The following TACC1 variants were observed in gnomAD, a reference collection of about 807,000 sequenced individuals.
TACC1 encodes transforming acidic coiled-coil containing protein 1.
In TACC1, 48 loss-of-function variants were observed where a neutral mutation model predicts 84.4. The observed-to-expected ratio is 0.57, with a 90% CI of 0.45 to 0.72. The LOEUF is 0.72. Ranked by LOEUF, TACC1 falls within the 30% of genes least tolerant of loss-of-function variation. The pLI, the probability that TACC1 is intolerant of heterozygous loss-of-function variation, is 0.00. For synonymous variants in TACC1, 372 were observed against 376.3 expected, an observed-to-expected ratio of 0.99 and a Z score of 0.13; for missense variants, 920 against 973.0, an observed-to-expected ratio of 0.95 and a Z score of 0.72.
chr8:38,765,465 T>G (rs1812061964), intron 3 of TACC1, among the ~76,000 whole-genome samples: 1 of 152,192 alleles, frequency 6.6e-6, no homozygotes, highest in East Asian at 1.9e-4. Context: ...AGTTGTTTTT[T>G]TCTGATTCTA....
chr8:38,737,648 G>T (rs769533183), intron 1 of TACC1, among the ~76,000 whole-genome samples: 80 of 151,924 alleles, frequency 5.3e-4, no homozygotes, highest in Admixed American at 2.0e-4. Flanking sequence ...ATAGGGCATG[G>T]TGATAGAAGA....
At chr8:38,737,325 G>A (rs1363334428) in intron 1 of TACC1, among the ~76,000 whole-genome samples, 3 of 152,188 alleles carry the variant, frequency 2.0e-5, no homozygotes, top group Non-Finnish European at 4.4e-5. Flanking sequence ...GAATGTACTC[G>A]ATGTCAAGTC....
At chr8:38,791,390 G>T (rs957458102) in intron 2 of TACC1, among the ~76,000 whole-genome samples, 1 of 152,200 alleles carries the variant, frequency 6.6e-6, no homozygotes, top group African/African-American at 2.4e-5. Context: ...TATTATGAAG[G>T]CTTTCAGTTT....
At chr8:38,841,483 A>G (rs1014063316) in intron 9 of TACC1, among the ~76,000 whole-genome samples, 8 of 152,242 alleles carry the variant, frequency 5.3e-5, no homozygotes, top group Non-Finnish European at 1.0e-4. Context: ...GAGAGCGTGC[A>G]TATCAGGTGA....
chr8:38,808,385 T>C (rs966247665), intron 2 of TACC1, among the ~76,000 whole-genome samples: 4 of 152,180 alleles, frequency 2.6e-5, no homozygotes, highest in African/African-American at 9.7e-5. Flanking sequence ...TGACTTGTGG[T>C]GTGATACTTG....
chr8:38,779,974 A>G (rs1371166387), intron 3 of TACC1, among the ~76,000 whole-genome samples: 1 of 152,208 alleles, frequency 6.6e-6, no homozygotes, highest in Non-Finnish European at 1.5e-5. Flanking sequence ...ACTTGTTTTC[A>G]CGAGTTCCTT....
chr8:38,833,458 G>A (rs1829651189), intron 6 of TACC1, among the ~76,000 whole-genome samples: 1 of 152,244 alleles, frequency 6.6e-6, no homozygotes, highest in Non-Finnish European at 1.5e-5. Flanking sequence ...CCTGACACCT[G>A]TAAGAGTTGT....
chr8:38,817,448 T>G (rs1825680416), intron 2 of TACC1, among the ~76,000 whole-genome samples: 1 of 152,258 alleles, frequency 6.6e-6, no homozygotes, highest in Non-Finnish European at 1.5e-5. Flanking sequence ...GTTTTTAAAC[T>G]TTTTATTTAT....
rs147707491 is a variant in TACC1, at chr8:38,820,098, A to G, written c.854A>G (p.Gln285Arg). 49 of 1,614,208 alleles carry G rather than the reference A, an allele frequency of 3.0e-5. No homozygotes were observed. The African/African-American group carries it at 6.3e-4, about 21-fold the overall frequency. Residue 285 changes from glutamine (Q) to arginine (R), a missense_variant, in exon 3 of 13, where the codon CAG becomes CGG. Gln to Arg is a conservative substitution (Grantham distance 43). Transcript: ENST00000317827. ...CCTTTGCTAGGAGATGCCAGGTTCCAGAAGTCTCCCCCTGACCTTAAAGAA... is the reference window on the plus strand; with the variant it reads ...CCTTTGCTAGGAGATGCCAGGTTCCGGAAGTCTCCCCCTGACCTTAAAGAA... ...TSPLLGDARF[Q>R]KSPPDLKETP... is the part of the protein sequence containing the mutation.
upstream of TACC1, among the ~76,000 whole-genome samples, chr8:38,782,679 T>C (rs1236305333): frequency 1.3e-5 from 2 of 152,244 alleles, no homozygotes; most frequent in Non-Finnish European, 1.5e-5. Context: ...ACAGGCTCTG[T>C]AAATACAATA....
chr8:38,797,575 T>A (rs1820287938), intron 2 of TACC1, among the ~76,000 whole-genome samples: 1 of 152,222 alleles, frequency 6.6e-6, no homozygotes, highest in South Asian at 2.1e-4. Context: ...TGGCTGAGAT[T>A]GCTCTGTCTG....
intron 8 of TACC1, chr8:38,839,627 G>A (rs1830839999): frequency 3.9e-6 from 1 of 253,904 alleles, no homozygotes; most frequent in East Asian, 6.4e-5. Flanking sequence ...ATTGAGGGCA[G>A]GGGAGGACGT....
At chr8:38,840,108 G>T in intron 8 of TACC1, 116 bp from the exon 9 acceptor site, 1 of 555,714 alleles carries the variant, frequency 1.8e-6, no homozygotes, top group Admixed American at 3.6e-5. Flanking sequence ...GCAGATAAAT[G>T]GATTACATAC....
intron 5 of TACC1, 32 bp from the exon 6 acceptor site, chr8:38,831,093 G>A (rs758911337): frequency 1.2e-6 from 2 of 1,612,604 alleles, no homozygotes; most frequent in Non-Finnish European, 1.7e-6. Context: ...CCGACTTCTT[G>A]GGATAACTAT....
intron 9 of TACC1, chr8:38,840,689 G>T (rs1462382964): frequency 6.4e-6 from 1 of 156,316 alleles, no homozygotes; most frequent in African/African-American, 2.4e-5. Flanking sequence ...CTTAGATACA[G>T]TCGTCTCATT....
chr8:38,811,694 G>A (rs894969334), intron 2 of TACC1, among the ~76,000 whole-genome samples: 4 of 152,122 alleles, frequency 2.6e-5, no homozygotes, highest in Non-Finnish European at 4.4e-5. Flanking sequence ...TGTATATCAC[G>A]TCAGGACCAC....
intron 3 of TACC1, among the ~76,000 whole-genome samples, chr8:38,773,621 T>TCTATCTATCTAG (rs754006056): frequency 6.9e-5 from 10 of 145,242 alleles, no homozygotes; most frequent in Non-Finnish European, 1.3e-4. Context: ...TATCTAGCTA[T>TCTATCTATCTAG]CTATCTGTTG....
At chr8:38,814,939 A>T (rs147561068) in intron 2 of TACC1, among the ~76,000 whole-genome samples, 1 of 152,384 alleles carries the variant, frequency 6.6e-6, no homozygotes, top group Admixed American at 6.5e-5. Flanking sequence ...TTAGAAGTAG[A>T]ATTTTTATTT....
At chr8:38,746,545 C>G (rs1354917272) in intron 3 of TACC1, among the ~76,000 whole-genome samples, 2 of 152,146 alleles carry the variant, frequency 1.3e-5, no homozygotes, top group African/African-American at 4.8e-5. Flanking sequence ...TCTAACAAGT[C>G]TCTGAGATTT....
Sources: allele counts gnomAD v4.1 joint callset (sites outside exome capture counted in the v4.1 genomes callset), GRCh38; gene constraint gnomAD v4.1.1; transcripts MANE v1.5; gene names NCBI Gene and HGNC (gene_info 2026-07-23, HGNC 2026-07-21).